Variants in PTPRK observed in about 807,000 individuals in gnomAD.
The protein encoded by PTPRK is protein tyrosine phosphatase receptor type K.
Under a neutral mutation model 178.0 loss-of-function variants are expected in PTPRK, and 75 were observed. The observed-to-expected ratio is 0.42, with a 90% CI of 0.35 to 0.51. PTPRK has a LOEUF of 0.51. Among genes scored for constraint, PTPRK ranks in the 20% least tolerant of loss-of-function variants. The pLI is 0.02. For missense variants in PTPRK, 1,441 were observed against 1,797.8 expected, an observed-to-expected ratio of 0.80 and a Z score of 3.59; for synonymous variants, 637 against 620.6, an observed-to-expected ratio of 1.03 and a Z score of -0.39.
At chr6:128,294,606 A>C (rs976580724) in intron 3 of PTPRK, among the ~76,000 whole-genome samples, 1 of 152,098 alleles carries the variant, frequency 6.6e-6, no homozygotes, top group Non-Finnish European at 1.5e-5. Context: ...GAAAAGATAC[A>C]AAGTTTATTG....
chr6:128,018,455 G>T (rs1281902683), intron 13 of PTPRK, among the ~76,000 whole-genome samples: 1 of 151,178 alleles, frequency 6.6e-6, no homozygotes, highest in African/African-American at 2.4e-5. Flanking sequence ...AACATCTCTG[G>T]AAAAACACTA....
chr6:128,221,262 C>T (rs534346628), intron 5 of PTPRK, among the ~76,000 whole-genome samples: 1 of 150,600 alleles, frequency 6.6e-6, no homozygotes, highest in Non-Finnish European at 1.5e-5. Context: ...CGGTGGCTCA[C>T]GCCTGTAATC....
intron 8 of PTPRK, among the ~76,000 whole-genome samples, chr6:128,084,120 C>T (rs1785321099): frequency 6.6e-6 from 1 of 151,954 alleles, no homozygotes; most frequent in African/African-American, 2.4e-5. Flanking sequence ...GTCTAGTTTC[C>T]TCTGTTGTAT....
At chr6:128,144,295 C>T (rs1025777853) in intron 7 of PTPRK, among the ~76,000 whole-genome samples, 1 of 152,146 alleles carries the variant, frequency 6.6e-6, no homozygotes, top group African/African-American at 2.4e-5. Flanking sequence ...AGACATGCAA[C>T]TCATATCAAT....
chr6:128,090,430 A>G (rs1786722090), intron 7 of PTPRK, among the ~76,000 whole-genome samples: 1 of 152,220 alleles, frequency 6.6e-6, no homozygotes, highest in South Asian at 2.1e-4. Context: ...AATTATTCTA[A>G]TTGTAACAAT....
At chr6:128,357,910 G>A (rs927012932) in intron 2 of PTPRK, among the ~76,000 whole-genome samples, 3 of 152,114 alleles carry the variant, frequency 2.0e-5, no homozygotes, top group Non-Finnish European at 4.4e-5. Context: ...TGGTAGTGAT[G>A]TTATACAGAC....
chr6:128,074,683 T>A (rs1783457084), intron 11 of PTPRK, among the ~76,000 whole-genome samples: 1 of 151,994 alleles, frequency 6.6e-6, no homozygotes, highest in Non-Finnish European at 1.5e-5. Context: ...AAATCAAAAA[T>A]TAATTTCGTC....
At chr6:128,063,165 T>C (rs764561801) in intron 13 of PTPRK, among the ~76,000 whole-genome samples, 2 of 152,150 alleles carry the variant, frequency 1.3e-5, no homozygotes, top group African/African-American at 4.8e-5. Flanking sequence ...CCACACTGCA[T>C]TCCTGAGATC....
In PTPRK at chr6:128,147,522, G is replaced by GA. The variant is rs34696150; in HGVS notation, c.1162+36909dup. Among the ~76,000 whole-genome samples, 3 of 151,516 alleles carry GA rather than the reference G, an allele frequency of 2.0e-5. No homozygotes were observed. In the South Asian group the frequency reaches 6.3e-4, roughly 32 times the overall value. On this transcript the variant is annotated intron_variant, in intron 7 of 29. Coordinates refer to ENST00000368226, the MANE Select transcript of PTPRK (RefSeq NM_002844.4). ...TTTTTACCCTTAAAATTGTAAAATA[G>GA]AAAAAAAATCATTAAAAATAAGAAT...
intron 3 of PTPRK, among the ~76,000 whole-genome samples, chr6:128,295,920 A>C (rs545379385): frequency 5.7e-4 from 87 of 152,246 alleles, no homozygotes; most frequent in African/African-American, 2.1e-3. Context: ...AAAGGCTAAA[A>C]AAGAAAAGTT....
At chr6:128,204,015 C>T (rs1806460875) in intron 6 of PTPRK, among the ~76,000 whole-genome samples, 1 of 152,186 alleles carries the variant, frequency 6.6e-6, no homozygotes, top group South Asian at 2.1e-4. Context: ...TACTACCCAA[C>T]TTCTAGCTAC....
intron 1 of PTPRK, among the ~76,000 whole-genome samples, chr6:128,505,356 G>C (rs1856173867): frequency 6.6e-6 from 1 of 151,484 alleles, no homozygotes; most frequent in South Asian, 2.1e-4. Flanking sequence ...CAGGAGAATC[G>C]CTTGAACCTG....
intron 3 of PTPRK, among the ~76,000 whole-genome samples, chr6:128,274,923 T>C (rs1820477890): frequency 6.6e-6 from 1 of 152,028 alleles, no homozygotes; most frequent in Non-Finnish European, 1.5e-5. Context: ...ACTAAAATCA[T>C]TCAATAGAAT....
At position 128,008,069 on chromosome 6, in the gene PTPRK, T is replaced by C. The variant is rs1450222112; in HGVS notation, c.2333+1061A>G. The stretch of plus-strand genomic sequence containing the variant: ...ACCTAATGTTTCTAATGCAGATGTG[T>C]CTTCTCCAACATATATATCTCCAGG... On this transcript the variant is annotated intron_variant, in intron 14 of 29. Transcript: ENST00000368226. 3.0e-6 allele frequency: 4 copies of C among 1,349,506 alleles called. No homozygotes were observed. In the African/African-American group the frequency reaches 6.0e-5, roughly 20 times the overall value. The allele number at this position is 1,349,506 out of a possible 1,614,324, so 83.6% of individuals were successfully genotyped here.
At chr6:128,252,132 G>A (rs1476269189) in intron 3 of PTPRK, among the ~76,000 whole-genome samples, 1 of 152,318 alleles carries the variant, frequency 6.6e-6, no homozygotes, top group Non-Finnish European at 1.5e-5. Flanking sequence ...TAGCCTGTAT[G>A]AAAGAAAAGC....
At chr6:128,121,046 T>C (rs1017443669) in intron 7 of PTPRK, among the ~76,000 whole-genome samples, 1 of 149,932 alleles carries the variant, frequency 6.7e-6, no homozygotes, top group African/African-American at 2.5e-5. Context: ...ATAACTATTA[T>C]TCAGCAATAA....
intron 3 of PTPRK, among the ~76,000 whole-genome samples, chr6:128,273,447 T>A (rs140001044): frequency 2.2e-4 from 33 of 152,324 alleles, no homozygotes; most frequent in African/African-American, 7.7e-4. Context: ...CAAAGTCCTA[T>A]ACCCATTCTA....
intron 1 of PTPRK, among the ~76,000 whole-genome samples, chr6:128,517,927 T>C (rs974675258): frequency 1.3e-5 from 2 of 152,182 alleles, no homozygotes; most frequent in Admixed American, 1.3e-4. Flanking sequence ...ACCAGCAATA[T>C]GGAATACACC....
At position 128,240,062 on chromosome 6, in the gene PTPRK, A is replaced by T; in HGVS notation, c.666T>A (p.Asp222Glu). 6.2e-7 allele frequency: 1 copy of T among 1,614,082 alleles called. No homozygotes were observed. Among genetic ancestry groups the T allele is most frequent in the Admixed American group, 1.7e-5 (1 of 60,020 alleles). ...ATFQCIATGR[D>E]AVHNKLWLQR... ...GGAGCCATAACTTGTTATGCACAGC[A>T]TCTCTCCCTGTGGCAATGCACTGAA... The change falls in exon 5 of 30, where the codon GAT becomes GAA. Residue 222 changes from aspartate to glutamate, a missense_variant. Asp to Glu is a conservative substitution (Grantham distance 45). This residue lies in a region of PTPRK where 945 missense variants were observed against 1,080.6 expected (regional missense o/e 0.87). Coordinates refer to ENST00000368226, the MANE Select transcript of PTPRK (RefSeq NM_002844.4).
Sources: gnomAD v4.1 joint callset for allele counts (sites outside exome capture counted in the v4.1 genomes callset) on GRCh38, gnomAD v4.1.1 for gene constraint, gnomAD v4.1.1 regional missense constraint, MANE v1.5 for transcripts, NCBI Gene and HGNC (gene_info 2026-07-23, HGNC 2026-07-21) for gene names.